SIVA1: variants seen among roughly 807,000 people sequenced by gnomAD.
SIVA1 encodes the protein apoptosis regulatory protein Siva.
In SIVA1, 10 loss-of-function variants were observed where a neutral mutation model predicts 19.7. That is an observed-to-expected ratio of 0.51 (90% CI 0.31 to 0.86). The LOEUF (loss-of-function observed/expected upper bound fraction) is 0.86. Ranked by LOEUF, SIVA1 falls within the 40% of genes least tolerant of loss-of-function variation. The probability of loss-of-function intolerance (pLI) is 0.04; values close to 1 mark genes in which losing one functional copy is unlikely to be tolerated. For synonymous variants in SIVA1, 130 were observed against 106.1 expected, an observed-to-expected ratio of 1.23 and a Z score of -1.39; for missense variants, 241 against 245.2, an observed-to-expected ratio of 0.98 and a Z score of 0.11.
chr14:104,758,204 C>T (rs972330516), intron 3 of SIVA1: 2 of 152,338 alleles, frequency 1.3e-5, no homozygotes, highest in Admixed American at 1.3e-4. Context: ...AGCCCAGCAG[C>T]CTTTGGCGTC....
chr14:104,755,649 G>A lies in SIVA1; in HGVS notation c.138G>A (p.Leu46=), dbSNP rs148323542. 6.2e-4 allele frequency: 1,000 copies of A among 1,612,930 alleles called. 7 individuals are homozygous for A. The African/African-American group carries it at 0.012, about 19-fold the overall frequency. The part of the protein sequence containing the change: ...QEVFEKTKRL[L]FLGAQAYLDH... ...CCCCAGAGAAGACCAAGCGACTCCT[G>A]TTCCTCGGGGCCCAGGCCTACCTGG... is the stretch of plus-strand genomic sequence containing the variant. The change falls in exon 2 of 4, where the codon CTG becomes CTA. Residue 46 remains leucine, a synonymous_variant. Coordinates refer to ENST00000329967, the MANE Select transcript of SIVA1 (RefSeq NM_006427.4).
At chr14:104,753,993 G>T (rs548191719) in intron 1 of SIVA1, 1 of 301,048 alleles carries the variant, frequency 3.3e-6, no homozygotes, top group Non-Finnish European at 7.0e-6. Flanking sequence ...CAGAGGAAGG[G>T]AAGGAAGAGG....
chr14:104,754,973 G>T (rs1006080715), intron 1 of SIVA1, among the ~76,000 whole-genome samples: 1 of 152,222 alleles, frequency 6.6e-6, no homozygotes, highest in Non-Finnish European at 1.5e-5. Flanking sequence ...CTGGCCCTGG[G>T]CATCTGATTT....
At chr14:104,755,939 C>A in intron 2 of SIVA1, 115 bp downstream of exon 2, 2 of 1,024,782 alleles carry the variant, frequency 2.0e-6, no homozygotes, top group Non-Finnish European at 2.9e-6. Flanking sequence ...AGGACTCTGA[C>A]CCAGAGCTTG....
intron 1 of SIVA1, chr14:104,753,580 C>T (rs1235734292): frequency 1.2e-5 from 6 of 518,668 alleles, no homozygotes; most frequent in African/African-American, 7.9e-5. Flanking sequence ...GCCCCCGCGC[C>T]CTCTTCCACG....
intron 2 of SIVA1, 81 bp from the exon 3 acceptor site, chr14:104,756,523 A>G (rs753697365): frequency 2.0e-6 from 3 of 1,532,618 alleles, no homozygotes; most frequent in Non-Finnish European, 2.7e-6. Flanking sequence ...GCCCTCAGGT[A>G]TGCATGGAGG....
chr14:104,756,712 C>T lies in SIVA1; in HGVS notation c.422C>T (p.Thr141Ile). Residue 141 changes from threonine to isoleucine, a missense_variant, in exon 3 of 4, where the codon ACC becomes ATC. By Grantham distance (89) the Thr-to-Ile change is moderately conservative (BLOSUM62 -1). Coordinates refer to ENST00000329967, the MANE Select transcript of SIVA1 (RefSeq NM_006427.4). ...ERALCGQCVR[T>I]CWGCGSVACT... ...GCCCTGTGCGGGCAGTGTGTGCGCA[C>T]CTGCTGGGGCTGCGGCTCCGTGGCC... is the stretch of plus-strand genomic sequence containing the variant. The T allele has an allele frequency of 1.2e-6, 2 of 1,614,056 alleles. No individual in the cohort carries two copies. The highest frequency in any genetic ancestry group is 1.7e-6 in the Non-Finnish European group (2 of 1,179,988).
chr14:104,756,458 G>C, intron 2 of SIVA1, 146 bp from the exon 3 acceptor site: 1 of 830,530 alleles, frequency 1.2e-6, no homozygotes, highest in African/African-American at 1.7e-5. Context: ...AGGCTCACGG[G>C]TTGTCAGAAG....
intron 1 of SIVA1, 43 bp from the exon 2 acceptor site, chr14:104,755,587 T>G (rs764946720): frequency 6.4e-7 from 1 of 1,560,018 alleles, no homozygotes; most frequent in Non-Finnish European, 8.7e-7. Context: ...GGGGCTTCGT[T>G]GGTACACAGT....
At chr14:104,754,554 G>A (rs1891822231) in intron 1 of SIVA1, among the ~76,000 whole-genome samples, 1 of 152,176 alleles carries the variant, frequency 6.6e-6, no homozygotes, top group African/African-American at 2.4e-5. Flanking sequence ...TGACCTGGGC[G>A]TTGGCAGGTG....
intron 1 of SIVA1, among the ~76,000 whole-genome samples, chr14:104,754,203 C>T (rs1482647649): frequency 6.6e-6 from 1 of 152,148 alleles, no homozygotes; most frequent in Non-Finnish European, 1.5e-5. Flanking sequence ...GTGGAGCTTA[C>T]CTTGCCTAGT....
In SIVA1 at chr14:104,753,451, G is replaced by A. The variant is rs888761441; in HGVS notation, c.118+132G>A. The A allele has an allele frequency of 8.1e-6, 5 of 619,388 alleles. No individual in the cohort carries two copies. In the Admixed American group the frequency reaches 1.4e-4, roughly 17 times the overall value. 38.4% of individuals were successfully genotyped at this position (619,388 alleles called of 1,614,324 possible). ...TCTGGCCCCGCGTTCCCGGAAGCTG[G>A]GAGGCCGCGGGGACACAAGCTGGCC... On this transcript the variant is annotated intron_variant, in intron 1 of 3. Transcript: ENST00000329967.
In SIVA1 at chr14:104,756,756, G is replaced by T. The variant is rs1055879842; in HGVS notation, c.466G>T (p.Val156Leu). The T allele has an allele frequency of 6.2e-7, 1 of 1,609,956 alleles. No homozygotes were observed. Among genetic ancestry groups the T allele is most frequent in the South Asian group, 1.1e-5 (1 of 90,722 alleles). The change falls in exon 3 of 4, where the codon GTG becomes TTG. Residue 156 changes from valine to leucine, a missense_variant. Val to Leu is a conservative substitution (Grantham distance 32). Transcript: ENST00000329967. ...CGTGGCCTGTACCCTGTGTGGCCTC[G>T]TGGAGTAAGTACTTCAGTCCCTGGA... The part of the protein sequence containing the change: ...GSVACTLCGL[V>L]DCSDMYEKVL...
At position 104,753,166 on chromosome 14, in the gene SIVA1, C is replaced by T. The variant is rs766938274; in HGVS notation, c.-36C>T. 12 of 1,387,632 alleles carry T rather than the reference C, an allele frequency of 8.6e-6. No individual in the cohort carries two copies. The highest frequency in any genetic ancestry group is 5.8e-5 in the Admixed American group (3 of 51,848). 86.0% of individuals were successfully genotyped at this position (1,387,632 alleles called of 1,614,324 possible). A position where few individuals can be genotyped will look rare whatever the true frequency, so the allele number is the denominator to read the frequency against. On this transcript the variant is annotated 5_prime_UTR_variant, in exon 1 of 4. Coordinates refer to ENST00000329967, the MANE Select transcript of SIVA1 (RefSeq NM_006427.4). Reference sequence around the variant, plus strand: ...CACGGCGTCGTTGGTAAGGGGCTGGCGGCCGGGGAGCTGCGTAGCTCCCGG... The same window carrying T: ...CACGGCGTCGTTGGTAAGGGGCTGGTGGCCGGGGAGCTGCGTAGCTCCCGG...
In SIVA1 at chr14:104,757,331, G is replaced by A. The variant is rs142525503; in HGVS notation, c.470+571G>A. The A allele has an allele frequency of 8.6e-4, 357 of 416,120 alleles. 4 individuals are homozygous for A. The East Asian group carries it at 0.026, about 30-fold the overall frequency. 25.8% of individuals were successfully genotyped at this position (416,120 alleles called of 1,614,324 possible). ...GTGTGGAGCCTGTTTGCCCTGCCCCGTGAGAAAGATGACTTCATCCAGACA... is the reference window on the plus strand; with the variant it reads ...GTGTGGAGCCTGTTTGCCCTGCCCCATGAGAAAGATGACTTCATCCAGACA... On this transcript the variant is annotated intron_variant, in intron 3 of 3. Transcript: ENST00000329967.
Position 104,757,054 on chromosome 14 carries a change from C to T in SIVA1, c.470+294C>T, listed in dbSNP as rs781377129. On this transcript the variant is annotated intron_variant, in intron 3 of 3. Transcript: ENST00000329967. ...TCTTTGAGCACCCCCACCTCCTCCT[C>T]CTCTGGTCTTTGAGCCCCCCCTCCC... 1.5e-5 allele frequency: 7 copies of T among 473,924 alleles called. No homozygotes were observed. The Admixed American group carries it at 1.5e-4, about 10-fold the overall frequency. 29.4% of individuals were successfully genotyped at this position (473,924 alleles called of 1,614,324 possible).
chr14:104,758,046 G>A (rs1891955424), intron 3 of SIVA1: 3 of 152,412 alleles, frequency 2.0e-5, no homozygotes, highest in African/African-American at 7.2e-5. Context: ...TCACAAGCCA[G>A]AAGTGGCATT....
At chr14:104,755,101 A>G (rs929359826) in intron 1 of SIVA1, among the ~76,000 whole-genome samples, 1 of 151,378 alleles carries the variant, frequency 6.6e-6, no homozygotes, top group African/African-American at 2.4e-5. Context: ...CTTGCCAGCA[A>G]CTCTGTAGCA....
At chr14:104,755,363 C>T (rs983912408) in intron 1 of SIVA1, among the ~76,000 whole-genome samples, 1 of 152,182 alleles carries the variant, frequency 6.6e-6, no homozygotes, top group Non-Finnish European at 1.5e-5. Flanking sequence ...GGAACCCTTG[C>T]ATCAGACACA....
Sources: gnomAD v4.1 joint callset for allele counts (sites outside exome capture counted in the v4.1 genomes callset) on GRCh38, gnomAD v4.1.1 for gene constraint, MANE v1.5 for transcripts, NCBI Gene and HGNC (gene_info 2026-07-23, HGNC 2026-07-21) for gene names.